PAH: variants seen among roughly 807,000 people sequenced by gnomAD.
The protein encoded by PAH is phenylalanine-4-hydroxylase.
Under a neutral mutation model 62.0 loss-of-function variants are expected in PAH, and 64 were observed. That is an observed-to-expected ratio of 1.03 (90% CI 0.84 to 1.27). The LOEUF (loss-of-function observed/expected upper bound fraction) is 1.27. Ranked by LOEUF, PAH falls within the 50% of genes most tolerant of loss-of-function variation. The pLI, the probability that PAH is intolerant of heterozygous loss-of-function variation, is 0.00. For synonymous variants in PAH, 195 were observed against 196.2 expected (o/e 0.99, Z 0.05); for missense variants, 579 against 542.8 (o/e 1.07, Z -0.66).
intron 3 of PAH, among the ~76,000 whole-genome samples, chr12:102,882,950 AATG>A (rs543827467): frequency 1.6e-4 from 24 of 152,076 alleles, no homozygotes; most frequent in Non-Finnish European, 3.4e-4. Flanking sequence ...CAAAGATTTT[AATG>A]ATGATGATTA....
intron 8 of PAH, 87 bp downstream of exon 8, chr12:102,851,600 G>T: frequency 2.9e-6 from 3 of 1,037,950 alleles, no homozygotes; most frequent in African/African-American, 1.6e-5. Flanking sequence ...CTTGCAGAGG[G>T]CATGAGGACC....
intron 3 of PAH, among the ~76,000 whole-genome samples, chr12:102,886,514 C>A (rs145748102): frequency 1.3e-5 from 2 of 152,272 alleles, no homozygotes; most frequent in African/African-American, 4.8e-5. Context: ...ATATCTAATT[C>A]TGTCTTCTGA....
chr12:102,921,254 T>C (rs896358243), upstream of PAH, among the ~76,000 whole-genome samples: 1 of 152,210 alleles, frequency 6.6e-6, no homozygotes, highest in Non-Finnish European at 1.5e-5. Context: ...TAATTTGAAT[T>C]TCTCTCATAA....
At chr12:102,857,356 C>T (rs1212012861) in intron 5 of PAH, among the ~76,000 whole-genome samples, 1 of 152,160 alleles carries the variant, frequency 6.6e-6, no homozygotes, top group East Asian at 1.9e-4. Context: ...ATCGGTGTAC[C>T]TGAAAGTGAC....
At chr12:102,925,078 A>G (rs1312306270) in intron 1 of PAH, among the ~76,000 whole-genome samples, 1 of 152,130 alleles carries the variant, frequency 6.6e-6, no homozygotes. Flanking sequence ...GTTTTCCCCA[A>G]TCCTTCATAG....
intron 3 of PAH, among the ~76,000 whole-genome samples, chr12:102,881,838 T>C (rs1322669348): frequency 1.3e-5 from 2 of 152,162 alleles, no homozygotes; most frequent in Non-Finnish European, 2.9e-5. Context: ...GTCAGGAGGG[T>C]ATCGCATTTT....
At chr12:102,882,677 A>T (rs1722391) in intron 3 of PAH, among the ~76,000 whole-genome samples, 10,061 of 44,974 alleles carry the variant, frequency 0.22, 357 homozygotes, top group Middle Eastern at 0.24. Context: ...TATATATATA[A>T]AATTTTTTTC....
upstream of PAH, among the ~76,000 whole-genome samples, chr12:102,951,172 C>T (rs1593008469): frequency 6.6e-6 from 1 of 152,194 alleles, no homozygotes; most frequent in East Asian, 1.9e-4. Flanking sequence ...ACGCTTAAAC[C>T]CTCTAATTAT....
chr12:102,867,967 A>ATACATGTATATATAGATGTATAT lies in PAH; in HGVS notation c.442-1327_442-1305dup, dbSNP rs1876073368. On this transcript the variant is annotated intron_variant, in intron 4 of 12. Coordinates refer to ENST00000553106, the MANE Select transcript of PAH (RefSeq NM_000277.3). ...TGTATATACATATATAGATGTATAT[A>ATACATGTATATATAGATGTATAT]TACATGTATATATAGATGTATATTA... 3.6e-5 allele frequency among the ~76,000 whole-genome samples: 4 copies of ATACATGTATATATAGATGTATAT among 110,816 alleles called. 1 individual carries two copies. Among genetic ancestry groups the ATACATGTATATATAGATGTATAT allele is most frequent in the African/African-American group, 9.3e-5 (3 of 32,122 alleles). The allele number at this position is 110,816 out of a possible 152,430, so 72.7% of individuals were successfully genotyped here. A position where few individuals can be genotyped will look rare whatever the true frequency, so the allele number is the denominator to read the frequency against.
chr12:102,899,858 C>CAAAAAAAAAAA (rs1166069532), intron 2 of PAH, among the ~76,000 whole-genome samples: 15 of 9,536 alleles, frequency 1.6e-3, no homozygotes, highest in African/African-American at 4.0e-3. Context: ...GACTCCGTCT[C>CAAAAAAAAAAA]AAAAAAAAAA....
chr12:102,883,260 T>C (rs1428551030), intron 3 of PAH, among the ~76,000 whole-genome samples: 2 of 152,208 alleles, frequency 1.3e-5, no homozygotes, highest in African/African-American at 4.8e-5. Flanking sequence ...ACTACATTTG[T>C]TCAGCTCCCA....
chr12:102,851,887 A>T (rs1875169777), intron 7 of PAH, 131 bp from the exon 8 acceptor site: 1 of 713,290 alleles, frequency 1.4e-6, no homozygotes, highest in Non-Finnish European at 2.5e-6. Flanking sequence ...CTCTCCCAGG[A>T]ATAAGTGATA....
At chr12:102,881,556 C>T (rs1217009982) in intron 3 of PAH, among the ~76,000 whole-genome samples, 2 of 152,046 alleles carry the variant, frequency 1.3e-5, no homozygotes, top group African/African-American at 2.4e-5. Flanking sequence ...GTACATTTGA[C>T]CCCCCAGTAC....
At chr12:102,953,043 T>A (rs1338225617), upstream of PAH, among the ~76,000 whole-genome samples, 1 of 152,202 alleles carries the variant, frequency 6.6e-6, no homozygotes, top group Non-Finnish European at 1.5e-5. Context: ...GGTAGGACAG[T>A]GTCTAGCACA....
chr12:102,952,093 G>T (rs1354522144), upstream of PAH, among the ~76,000 whole-genome samples: 1 of 152,146 alleles, frequency 6.6e-6, no homozygotes, highest in African/African-American at 2.4e-5. Flanking sequence ...CAGCAAAGAA[G>T]CCGTACAACA....
intron 5 of PAH, among the ~76,000 whole-genome samples, chr12:102,858,449 T>C (rs1235840717): frequency 6.6e-6 from 1 of 152,192 alleles, no homozygotes; most frequent in Non-Finnish European, 1.5e-5. Context: ...TGTCCAGGAA[T>C]TGAACTCAGC....
At chr12:102,929,252 C>CA (rs1210894550) in intron 1 of PAH, among the ~76,000 whole-genome samples, 3 of 152,060 alleles carry the variant, frequency 2.0e-5, no homozygotes, top group Non-Finnish European at 4.4e-5. Context: ...CTAATACAGA[C>CA]ATTAGTCAAA....
At chr12:102,940,500 G>T (rs1879251650) in intron 1 of PAH, among the ~76,000 whole-genome samples, 1 of 152,202 alleles carries the variant, frequency 6.6e-6, no homozygotes, top group African/African-American at 2.4e-5. Context: ...ATCTAATAGA[G>T]CTGAATGACT....
At chr12:102,857,840 G>A (rs1371202780) in intron 5 of PAH, among the ~76,000 whole-genome samples, 1 of 152,120 alleles carries the variant, frequency 6.6e-6, no homozygotes, top group African/African-American at 2.4e-5. Flanking sequence ...AACATGGAAA[G>A]GAACAACTGG....
Sources: gnomAD v4.1 joint callset for allele counts (sites outside exome capture counted in the v4.1 genomes callset) on GRCh38, gnomAD v4.1.1 for gene constraint, MANE v1.5 for transcripts, NCBI Gene and HGNC (gene_info 2026-07-23, HGNC 2026-07-21) for gene names.